PRKCA: variants seen among roughly 807,000 people sequenced by gnomAD.
PRKCA encodes the protein protein kinase C alpha, also known as protein kinase C alpha type.
Under a neutral mutation model 87.0 loss-of-function variants are expected in PRKCA, and 27 were observed. The observed-to-expected ratio is 0.31, with a 90% CI of 0.23 to 0.43. The LOEUF (loss-of-function observed/expected upper bound fraction) is 0.43, where lower values mean the gene tolerates loss of function less well. Among genes scored for constraint, PRKCA ranks in the 20% least tolerant of loss-of-function variants. PRKCA has a pLI of 1.00. For synonymous variants in PRKCA, 329 were observed against 311.1 expected (o/e 1.06, Z -0.61); for missense variants, 518 against 852.3 (o/e 0.61, Z 4.88).
At chr17:66,536,039 A>C (rs1967768073) in intron 3 of PRKCA, among the ~76,000 whole-genome samples, 2 of 152,164 alleles carry the variant, frequency 1.3e-5, no homozygotes, top group Non-Finnish European at 2.9e-5. Context: ...CTCTGATATT[A>C]ATGTACTCAT....
At chr17:66,773,849 G>T in intron 13 of PRKCA, 138 bp from the exon 14 acceptor site, 1 of 1,398,224 alleles carries the variant, frequency 7.2e-7, no homozygotes, top group Non-Finnish European at 9.8e-7. Flanking sequence ...CTCTTCCCTT[G>T]GCGTAACATC....
intron 8 of PRKCA, chr17:66,703,266 G>A (rs1973106037): frequency 6.6e-6 from 1 of 151,904 alleles, no homozygotes; most frequent in Admixed American, 6.6e-5. Context: ...CTTATTCTAT[G>A]TCTATTTAAA....
intron 3 of PRKCA, among the ~76,000 whole-genome samples, chr17:66,617,472 G>A (rs910029408): frequency 1.3e-5 from 2 of 152,144 alleles, no homozygotes. Flanking sequence ...ATTTGATGAT[G>A]AACCAGGGGA....
At chr17:66,373,969 A>G (rs1423181859) in intron 2 of PRKCA, among the ~76,000 whole-genome samples, 3 of 152,034 alleles carry the variant, frequency 2.0e-5, no homozygotes, top group African/African-American at 7.2e-5. Context: ...CAGAAGTGGG[A>G]TGTGGGGGCC....
chr17:66,406,002 C>T (rs577452531), intron 2 of PRKCA, among the ~76,000 whole-genome samples: 8 of 152,230 alleles, frequency 5.3e-5, no homozygotes, highest in Non-Finnish European at 8.8e-5. Context: ...GCTTCCTTCC[C>T]TTTTCTCCAG....
At chr17:66,466,046 T>C (rs1915071760) in intron 2 of PRKCA, among the ~76,000 whole-genome samples, 1 of 152,212 alleles carries the variant, frequency 6.6e-6, no homozygotes, top group African/African-American at 2.4e-5. Context: ...AGTTCCATTA[T>C]ATTGAGAAGA....
intron 2 of PRKCA, among the ~76,000 whole-genome samples, chr17:66,352,650 G>A (rs1294728987): frequency 4.0e-5 from 5 of 126,382 alleles, no homozygotes; most frequent in Middle Eastern, 6.4e-3. Flanking sequence ...TGCAACCTCC[G>A]TCTCCTGGGT....
intron 2 of PRKCA, among the ~76,000 whole-genome samples, chr17:66,319,077 G>A (rs1905493179): frequency 6.6e-6 from 1 of 152,062 alleles, no homozygotes; most frequent in Non-Finnish European, 1.5e-5. Context: ...GCAGTGAGCC[G>A]AGATTGTGCA....
At position 66,309,437 on chromosome 17, in the gene PRKCA, G is replaced by A. The variant is rs1215364397; in HGVS notation, c.205+3310G>A. 2.0e-5 allele frequency among the ~76,000 whole-genome samples: 3 copies of A among 152,120 alleles called. 1 individual carries two copies. Among genetic ancestry groups the A allele is most frequent in the South Asian group, 4.1e-4 (2 of 4,822 alleles). ...GGCTTATTCTCATGTTCCCTTCATGGACTCTGTGCCATTCTTCTTTATATT... is the reference window on the plus strand; with the variant it reads ...GGCTTATTCTCATGTTCCCTTCATGAACTCTGTGCCATTCTTCTTTATATT... On this transcript the variant is annotated intron_variant, in intron 2 of 16. Transcript: ENST00000413366.
intron 8 of PRKCA, among the ~76,000 whole-genome samples, chr17:66,700,195 G>A (rs1047754971): frequency 2.0e-5 from 3 of 152,078 alleles, no homozygotes; most frequent in African/African-American, 7.2e-5. Context: ...CAGAACGAAG[G>A]ATAAAAATTG....
chr17:66,430,760 C>T (rs1913058849), intron 2 of PRKCA, among the ~76,000 whole-genome samples: 1 of 152,124 alleles, frequency 6.6e-6, no homozygotes, highest in African/African-American at 2.4e-5. Context: ...GCAAGGTGGC[C>T]TTCAGGAGAC....
intron 5 of PRKCA, among the ~76,000 whole-genome samples, chr17:66,675,618 G>A (rs929994986): frequency 1.3e-5 from 2 of 152,176 alleles, no homozygotes; most frequent in East Asian, 1.9e-4. Flanking sequence ...TATTAAAGGG[G>A]TGCATGGCTT....
chr17:66,733,099 C>T (rs954636059), intron 9 of PRKCA, among the ~76,000 whole-genome samples: 9 of 147,852 alleles, frequency 6.1e-5, no homozygotes, highest in Admixed American at 2.1e-4. Context: ...TACAGTGAGC[C>T]GAGATCGCAC....
chr17:66,777,658 C>T (rs1975090465), intron 14 of PRKCA: 1 of 985,214 alleles, frequency 1.0e-6, no homozygotes, highest in African/African-American at 1.7e-5. Context: ...GCCAAGTCCC[C>T]CTCTTGATCC....
intron 3 of PRKCA, among the ~76,000 whole-genome samples, chr17:66,527,619 G>A (rs936313399): frequency 3.9e-5 from 6 of 152,174 alleles, no homozygotes; most frequent in Admixed American, 6.5e-5. Flanking sequence ...ACCTCCTCCC[G>A]TCAGCTCTGG....
chr17:66,586,291 G>GACAT (rs1969596808), intron 3 of PRKCA, among the ~76,000 whole-genome samples: 1 of 152,114 alleles, frequency 6.6e-6, no homozygotes, highest in South Asian at 2.1e-4. Context: ...CCTAACTTGT[G>GACAT]ACATCCTTCA....
chr17:66,363,225 T>A (rs1327273325), intron 2 of PRKCA, among the ~76,000 whole-genome samples: 2 of 152,240 alleles, frequency 1.3e-5, no homozygotes, highest in African/African-American at 2.4e-5. Flanking sequence ...GTAGTAAACA[T>A]TGCATGTCTA....
chr17:66,456,501 C>T (rs971625716), intron 2 of PRKCA, among the ~76,000 whole-genome samples: 1 of 152,172 alleles, frequency 6.6e-6, no homozygotes, highest in Non-Finnish European at 1.5e-5. Flanking sequence ...AGATCCTGCC[C>T]AGATGTGATG....
intron 3 of PRKCA, among the ~76,000 whole-genome samples, chr17:66,511,677 A>G (rs1275762511): frequency 6.7e-6 from 1 of 148,966 alleles, no homozygotes; most frequent in Non-Finnish European, 1.5e-5. Flanking sequence ...TCTCTCATAT[A>G]GTGAACTTTT....
Sources: allele counts gnomAD v4.1 joint callset (sites outside exome capture counted in the v4.1 genomes callset), GRCh38; gene constraint gnomAD v4.1.1; transcripts MANE v1.5; gene names NCBI Gene and HGNC (gene_info 2026-07-23, HGNC 2026-07-21).